Variants in STRBP observed in about 807,000 individuals in gnomAD.
STRBP encodes spermatid perinuclear RNA-binding protein.
In STRBP, 13 loss-of-function variants were observed where a neutral mutation model predicts 80.1. The observed-to-expected ratio is 0.16, with a 90% CI of 0.11 to 0.26. STRBP has a LOEUF of 0.26. STRBP is among the 10% of genes least tolerant of loss of function. STRBP has a pLI of 1.00. For synonymous variants in STRBP, 284 were observed against 291.2 expected (o/e 0.98, Z 0.25); for missense variants, 485 against 815.2 (o/e 0.59, Z 4.93).
chr9:123,214,762 T>C (rs909261882), intron 2 of STRBP, among the ~76,000 whole-genome samples: 2 of 152,222 alleles, frequency 1.3e-5, no homozygotes, highest in African/African-American at 4.8e-5. Context: ...ACTATATTCA[T>C]ACAGATATGA....
intron 13 of STRBP, among the ~76,000 whole-genome samples, chr9:123,143,323 G>T (rs1325318176): frequency 6.6e-6 from 1 of 152,218 alleles, no homozygotes; most frequent in Non-Finnish European, 1.5e-5. Context: ...GAAGAGTGAA[G>T]GGAAGCCTGG....
intron 5 of STRBP, among the ~76,000 whole-genome samples, chr9:123,171,228 T>G (rs1167361925): frequency 2.0e-5 from 3 of 152,152 alleles, no homozygotes; most frequent in Non-Finnish European, 2.9e-5. Flanking sequence ...AATATGCATT[T>G]TGTGCTAGAG....
At chr9:123,144,366 G>A (rs1429015047) in intron 13 of STRBP, among the ~76,000 whole-genome samples, 2 of 152,004 alleles carry the variant, frequency 1.3e-5, no homozygotes, top group Non-Finnish European at 2.9e-5. Context: ...CATATACCAC[G>A]TATTTTCCAA....
chr9:123,154,568 T>C (rs1006158217), intron 11 of STRBP, among the ~76,000 whole-genome samples: 3 of 151,116 alleles, frequency 2.0e-5, no homozygotes, highest in Non-Finnish European at 4.4e-5. Flanking sequence ...TTGAAAGAAA[T>C]AATTATTTTT....
intron 1 of STRBP, among the ~76,000 whole-genome samples, chr9:123,242,247 T>G (rs1220975771): frequency 1.3e-5 from 2 of 152,262 alleles, no homozygotes; most frequent in Non-Finnish European, 2.9e-5. Context: ...ATTCATATAC[T>G]ATCTCTTCAT....
At chr9:123,155,060 G>GTT (rs760749079) in intron 11 of STRBP, among the ~76,000 whole-genome samples, 7 of 152,200 alleles carry the variant, frequency 4.6e-5, no homozygotes, top group African/African-American at 7.2e-5. Flanking sequence ...GTGATAGTGG[G>GTT]TAAGTAGAAA....
At chr9:123,127,436 G>A (rs998542645) in intron 18 of STRBP, among the ~76,000 whole-genome samples, 55 of 152,128 alleles carry the variant, frequency 3.6e-4, no homozygotes, top group African/African-American at 1.3e-3. Context: ...TCTCTTCTCT[G>A]ACAACACCCT....
chr9:123,176,244 CT>C (rs2038212964), intron 4 of STRBP, among the ~76,000 whole-genome samples: 1 of 152,326 alleles, frequency 6.6e-6, no homozygotes, highest in South Asian at 2.1e-4. Context: ...AACCCTACCC[CT>C]ATCCATCCTC....
intron 1 of STRBP, among the ~76,000 whole-genome samples, chr9:123,258,515 G>T (rs2041084140): frequency 6.6e-6 from 1 of 152,156 alleles, no homozygotes; most frequent in African/African-American, 2.4e-5. Flanking sequence ...TAAAGAATCT[G>T]CAAGAAGGCC....
chr9:123,187,173 C>G (rs1000186378), intron 2 of STRBP, among the ~76,000 whole-genome samples: 3 of 151,322 alleles, frequency 2.0e-5, no homozygotes, highest in Admixed American at 6.6e-5. Flanking sequence ...ATAAAGTAAA[C>G]AGTAGAGCCA....
Position 123,179,166 on chromosome 9 carries a change from T to C in STRBP, c.65A>G (p.Tyr22Cys). The change falls in exon 4 of 19, where the codon TAT becomes TGT. Residue 22 changes from tyrosine to cysteine, a missense_variant. By Grantham distance (194) the Tyr-to-Cys change is radical. Transcript: ENST00000348403. ...RHVMVKHSTI[Y>C]PSPEELEAVQ... ...AGCTTCAAGTTCCTCCGGAGATGGATAGATTGTTGAATGTTTCACCATAAC... is the reference window on the plus strand; with the variant it reads ...AGCTTCAAGTTCCTCCGGAGATGGACAGATTGTTGAATGTTTCACCATAAC... The C allele has an allele frequency of 6.2e-7, 1 of 1,613,410 alleles. No individual in the cohort carries two copies. The highest frequency in any genetic ancestry group is 8.5e-7 in the Non-Finnish European group (1 of 1,179,358).
chr9:123,256,576 G>C (rs1044510932), intron 1 of STRBP, among the ~76,000 whole-genome samples: 1 of 152,010 alleles, frequency 6.6e-6, no homozygotes, highest in Non-Finnish European at 1.5e-5. Context: ...AAATAAATGT[G>C]AGCTATATAT....
intron 2 of STRBP, among the ~76,000 whole-genome samples, chr9:123,219,000 C>A: frequency 6.6e-6 from 1 of 152,018 alleles, no homozygotes; most frequent in East Asian, 1.9e-4. Flanking sequence ...AACTAACCCA[C>A]AATATAAATG....
At chr9:123,138,954 C>G (rs2036474534) in intron 14 of STRBP, among the ~76,000 whole-genome samples, 1 of 152,110 alleles carries the variant, frequency 6.6e-6, no homozygotes, top group African/African-American at 2.4e-5. Context: ...CCATGAACTC[C>G]CCAATGTACT....
At chr9:123,118,369 G>A (rs1357395941), downstream of STRBP, among the ~76,000 whole-genome samples, 1 of 152,204 alleles carries the variant, frequency 6.6e-6, no homozygotes, top group Non-Finnish European at 1.5e-5. Context: ...ACACCTGCAT[G>A]CAGACACCTT....
At chr9:123,154,560 GAAAGA>G (rs145893498) in intron 11 of STRBP, among the ~76,000 whole-genome samples, 16,420 of 151,968 alleles carry the variant, frequency 0.11, 2,850 homozygotes, top group African/African-American at 0.37. Flanking sequence ...TTATGGGTTT[GAAAGA>G]AATAATTATT....
chr9:123,110,519 G>C lies in STRBP; in HGVS notation c.*85-766C>G, dbSNP rs1237863934. The C allele has an allele frequency of 5.9e-6, 1 of 169,338 alleles. No homozygotes were observed. Among genetic ancestry groups the C allele is most frequent in the Admixed American group, 6.5e-5 (1 of 15,294 alleles). The allele number at this position is 169,338 out of a possible 1,614,324, so 10.5% of individuals were successfully genotyped here. A position where few individuals can be genotyped will look rare whatever the true frequency, so the allele number is the denominator to read the frequency against. ...CAGATGGGTCCAGGATGAAAGGCCT[G>C]AGTCCAAGGATGCTTTGGGGAAAAC... On this transcript the variant is annotated intron_variant and NMD_transcript_variant, in intron 3 of 3. Transcript: ENST00000471564. The surrounding 1 kb of genome is among the most constrained non-coding windows in gnomAD (Gnocchi z 4.1).
intron 1 of STRBP, among the ~76,000 whole-genome samples, chr9:123,257,419 C>CAA (rs749382096): frequency 6.9e-6 from 1 of 145,236 alleles, no homozygotes; most frequent in Admixed American, 6.8e-5. Context: ...AACACACAAA[C>CAA]ACACACACAC....
chr9:123,149,973 A>G (rs990436173), intron 11 of STRBP, among the ~76,000 whole-genome samples: 4 of 152,192 alleles, frequency 2.6e-5, no homozygotes, highest in African/African-American at 9.6e-5. Context: ...AACATATACT[A>G]TGGGTAGTGA....
Sources: allele counts gnomAD v4.1 joint callset (sites outside exome capture counted in the v4.1 genomes callset), GRCh38; gene constraint gnomAD v4.1.1; non-coding constraint Gnocchi (gnomAD v3.1); transcripts MANE v1.5; gene names NCBI Gene and HGNC (gene_info 2026-07-23, HGNC 2026-07-21).